CFAP54: variants seen among roughly 807,000 people sequenced by gnomAD.
CFAP54 encodes the protein cilia- and flagella-associated protein 54.
CFAP54 carries 290 observed loss-of-function variants against 370.4 expected under a neutral mutation model. The observed-to-expected ratio is 0.78, with a 90% CI of 0.71 to 0.86. The LOEUF is 0.86. Ranked by LOEUF, CFAP54 falls within the 40% of genes least tolerant of loss-of-function variation. CFAP54 has a pLI of 0.00. For missense variants in CFAP54, 3,399 were observed against 3,528.7 expected (o/e 0.96, Z 0.93); for synonymous variants, 1,206 against 1,236.5 (o/e 0.98, Z 0.52).
intron 60 of CFAP54, 134 bp downstream of exon 60, chr12:96,765,352 A>G: frequency 1.3e-6 from 1 of 777,940 alleles, no homozygotes; most frequent in East Asian, 3.0e-5. Flanking sequence ...CCAGGGGATC[A>G]TAGGGGTCCT....
chr12:96,669,036 T>TA (rs1249974183), intron 39 of CFAP54, among the ~76,000 whole-genome samples: 3 of 152,094 alleles, frequency 2.0e-5, no homozygotes, highest in African/African-American at 7.2e-5. Context: ...AGGAGATGAA[T>TA]AAAAAACCCA....
In CFAP54 at chr12:96,489,807, C is replaced by G; in HGVS notation, c.198C>G (p.Asp66Glu). Residue 66 changes from aspartate to glutamate, a missense_variant, in exon 1 of 68, where the codon GAC (aspartate) becomes GAG (glutamate). Transcript: ENST00000524981. Reference sequence around the variant, plus strand: ...TAGCCGTGTTTTATGGGCCGCTGGACGCGAAAAACCCGCTCCTGGCCTCTT... The same window carrying G: ...TAGCCGTGTTTTATGGGCCGCTGGAGGCGAAAAACCCGCTCCTGGCCTCTT... ...LPLAVFYGPLDAKNPLLASCE... is the reference protein window; with the variant it reads ...LPLAVFYGPLEAKNPLLASCE... 1 of 1,536,094 alleles carries G rather than the reference C, an allele frequency of 6.5e-7. No homozygotes were observed. Among genetic ancestry groups the G allele is most frequent in the Non-Finnish European group, 8.7e-7 (1 of 1,146,910 alleles).
rs79234980 is a variant in CFAP54, at chr12:96,501,384, T to C, written c.423+445T>C. Among the ~76,000 whole-genome samples the C allele has an allele frequency of 6.5e-4, 99 of 152,380 alleles. No homozygotes were observed. The East Asian group carries it at 0.015, about 24-fold the overall frequency. On this transcript the variant is annotated intron_variant, in intron 2 of 67. Coordinates refer to ENST00000524981, the MANE Select transcript of CFAP54 (RefSeq NM_001306084.2). ...TCAGTGCCCTGTTTATTAAACTCTT[T>C]CAACTCTTTCTTAATGTTTTGCTGT...
chr12:96,647,761 T>C (rs1956813091), intron 33 of CFAP54, 114 bp from the exon 34 acceptor site: 1 of 915,492 alleles, frequency 1.1e-6, no homozygotes. Flanking sequence ...CCCTTCATGA[T>C]TTAAAATTTG....
chr12:96,507,518 A>AACACAC (rs979958156), intron 4 of CFAP54, among the ~76,000 whole-genome samples: 1 of 116,082 alleles, frequency 8.6e-6, no homozygotes, highest in African/African-American at 3.3e-5. Context: ...ACTGCTGAGG[A>AACACAC]ACACACACAC....
chr12:96,839,170 A>C (rs735950), intron 66 of CFAP54, among the ~76,000 whole-genome samples: 40 of 152,032 alleles, frequency 2.6e-4, no homozygotes, highest in African/African-American at 9.4e-4. Flanking sequence ...TTTTCTAGTC[A>C]TATAATCTTA....
intron 1 of CFAP54, among the ~76,000 whole-genome samples, chr12:96,498,048 C>G (rs1014909250): frequency 3.9e-5 from 6 of 152,208 alleles, no homozygotes. Context: ...TTTCTGGCAA[C>G]AAACTGATCT....
chr12:96,541,674 A>T (rs548440625), intron 14 of CFAP54, among the ~76,000 whole-genome samples: 1 of 152,100 alleles, frequency 6.6e-6, no homozygotes, highest in Non-Finnish European at 1.5e-5. Flanking sequence ...TGTTTTGGAC[A>T]CTGACATATT....
intron 26 of CFAP54, among the ~76,000 whole-genome samples, chr12:96,600,587 A>G (rs566314766): frequency 7.2e-5 from 11 of 152,184 alleles, no homozygotes; most frequent in Middle Eastern, 6.8e-3. Flanking sequence ...CAATATGGCC[A>G]TTTTCACGAT....
At chr12:96,554,604 T>C in intron 16 of CFAP54, 72 bp from the exon 17 acceptor site, 6 of 1,348,884 alleles carry the variant, frequency 4.4e-6, no homozygotes, top group Non-Finnish European at 5.0e-6. Context: ...ACTTGAGTGA[T>C]AATAGTATAC....
chr12:96,861,052 C>A, intron 67 of CFAP54, 100 bp downstream of exon 67: 1 of 836,752 alleles, frequency 1.2e-6, no homozygotes, highest in Non-Finnish European at 1.7e-6. Context: ...TGTTTTTTTA[C>A]ACAAGCTAAA....
chr12:96,752,873 A>T (rs1172846353), intron 55 of CFAP54, among the ~76,000 whole-genome samples: 1 of 152,184 alleles, frequency 6.6e-6, no homozygotes, highest in Non-Finnish European at 1.5e-5. Context: ...GGTTCAAATT[A>T]CGGCTCTTCT....
chr12:96,751,415 A>G (rs942599651), intron 55 of CFAP54, among the ~76,000 whole-genome samples: 2 of 152,172 alleles, frequency 1.3e-5, no homozygotes, highest in African/African-American at 4.8e-5. Context: ...TTATTTTTAT[A>G]TATTAGTGCC....
chr12:96,494,176 G>A lies in CFAP54; in HGVS notation c.317+4250G>A, dbSNP rs1954921372. ...GACAGAATCCCATTTAGCAGAAGCA[G>A]AGTGAAAGAGGTACAACAGTATGAG... On this transcript the variant is annotated intron_variant, in intron 1 of 67. Transcript: ENST00000524981. Among the ~76,000 whole-genome samples the A allele has an allele frequency of 2.6e-5, 4 of 152,310 alleles. No homozygotes were observed. In the South Asian group the frequency reaches 8.3e-4, roughly 32 times the overall value.
At chr12:96,871,914 G>A (rs765503172) in intron 67 of CFAP54, among the ~76,000 whole-genome samples, 4 of 151,920 alleles carry the variant, frequency 2.6e-5, no homozygotes, top group East Asian at 1.9e-4. Flanking sequence ...TTCATGTTTC[G>A]ACATGTGTGA....
intron 45 of CFAP54, among the ~76,000 whole-genome samples, chr12:96,694,860 A>G (rs1391104301): frequency 6.6e-6 from 1 of 152,014 alleles, no homozygotes; most frequent in Non-Finnish European, 1.5e-5. Flanking sequence ...CATCTCTACT[A>G]AAGATAAAAA....
At chr12:96,718,977 G>T (rs1184843657) in intron 49 of CFAP54, among the ~76,000 whole-genome samples, 1 of 151,978 alleles carries the variant, frequency 6.6e-6, no homozygotes, top group Non-Finnish European at 1.5e-5. Context: ...GGCAGAGGTT[G>T]CAGTGAGTCA....
At chr12:96,579,939 T>C (rs1198308615) in intron 20 of CFAP54, among the ~76,000 whole-genome samples, 1 of 151,768 alleles carries the variant, frequency 6.6e-6, no homozygotes, top group East Asian at 1.9e-4. Context: ...TTTCAGAAAA[T>C]GTATAAATTG....
intron 27 of CFAP54, among the ~76,000 whole-genome samples, 154 bp downstream of exon 27, chr12:96,621,875 G>GTTTGTTTGTTTTTTTT (rs1956496257): frequency 2.0e-5 from 1 of 50,022 alleles, no homozygotes; most frequent in Non-Finnish European, 3.3e-5. Flanking sequence ...TTTTGGGTTT[G>GTTTGTTTGTTTTTTTT]TTTTTTTTTT....
Sources: gnomAD v4.1 joint callset for allele counts (sites outside exome capture counted in the v4.1 genomes callset) on GRCh38, gnomAD v4.1.1 for gene constraint, MANE v1.5 for transcripts, NCBI Gene and HGNC (gene_info 2026-07-23, HGNC 2026-07-21) for gene names.